The following CDK14 variants were observed in gnomAD, a reference collection of about 807,000 sequenced individuals.
CDK14 encodes cyclin-dependent kinase 14.
Under a neutral mutation model 60.7 loss-of-function variants are expected in CDK14, and 34 were observed. The observed-to-expected ratio is 0.56, with a 90% CI of 0.43 to 0.75. The LOEUF is 0.75. CDK14 is among the 30% of genes least tolerant of loss of function. The pLI is 0.00. For missense variants in CDK14, 482 were observed against 564.1 expected, an observed-to-expected ratio of 0.85 and a Z score of 1.47; for synonymous variants, 197 against 203.7, an observed-to-expected ratio of 0.97 and a Z score of 0.28.
At chr7:90,915,089 G>C (rs1228588491) in intron 7 of CDK14, among the ~76,000 whole-genome samples, 3 of 152,122 alleles carry the variant, frequency 2.0e-5, no homozygotes. Flanking sequence ...CAGTTCCTGA[G>C]GAGAGACCTA....
intron 14 of CDK14, among the ~76,000 whole-genome samples, chr7:91,143,992 C>G (rs1057477753): frequency 5.9e-5 from 9 of 152,140 alleles, no homozygotes; most frequent in African/African-American, 2.2e-4. Flanking sequence ...ATTCTATCTT[C>G]TGACAAGCCT....
intron 12 of CDK14, among the ~76,000 whole-genome samples, chr7:91,102,548 A>G (rs1246343239): frequency 2.0e-5 from 3 of 152,098 alleles, no homozygotes; most frequent in Non-Finnish European, 4.4e-5. Flanking sequence ...AACAAAATGT[A>G]GCTTGCCTTA....
chr7:90,805,813 A>G (rs1459219977), intron 5 of CDK14, among the ~76,000 whole-genome samples: 1 of 152,146 alleles, frequency 6.6e-6, no homozygotes, highest in East Asian at 1.9e-4. Flanking sequence ...ACATTATATG[A>G]AAATGTAATG....
intron 8 of CDK14, among the ~76,000 whole-genome samples, chr7:90,944,838 G>T (rs561577373): frequency 4.6e-5 from 7 of 152,310 alleles, no homozygotes; most frequent in Admixed American, 6.5e-5. Flanking sequence ...GTGTTTATCT[G>T]TTAAGTGCAG....
intron 2 of CDK14, among the ~76,000 whole-genome samples, chr7:90,668,656 TTTGAG>T (rs1458954010): frequency 5.3e-5 from 8 of 151,170 alleles, no homozygotes; most frequent in Non-Finnish European, 1.2e-4. Flanking sequence ...TAGGTCTTTA[TTTGAG>T]TTAATTTTTT....
intron 2 of CDK14, among the ~76,000 whole-genome samples, chr7:90,611,121 T>G (rs1799530259): frequency 6.6e-6 from 1 of 152,166 alleles, no homozygotes; most frequent in Admixed American, 6.5e-5. Context: ...TCCAGAAGCT[T>G]ACATAATTGA....
intron 5 of CDK14, among the ~76,000 whole-genome samples, chr7:90,794,296 T>C (rs1805959261): frequency 2.6e-5 from 4 of 152,130 alleles, no homozygotes; most frequent in Admixed American, 2.6e-4. Flanking sequence ...CGGGCACGCA[T>C]TGTCATTGAT....
intron 5 of CDK14, among the ~76,000 whole-genome samples, chr7:90,838,430 A>G (rs761087078): frequency 6.6e-6 from 1 of 152,094 alleles, no homozygotes; most frequent in Non-Finnish European, 1.5e-5. Context: ...AGTAACAGTG[A>G]TTTTCAGGGA....
intron 6 of CDK14, among the ~76,000 whole-genome samples, chr7:90,880,206 G>A (rs1397536378): frequency 1.3e-5 from 2 of 152,238 alleles, no homozygotes; most frequent in African/African-American, 4.8e-5. Context: ...CTGGGCAAGG[G>A]AAGGGTGGCT....
intron 12 of CDK14, among the ~76,000 whole-genome samples, chr7:91,094,694 T>A (rs907783269): frequency 6.6e-6 from 1 of 152,200 alleles, no homozygotes; most frequent in Non-Finnish European, 1.5e-5. Context: ...GAGTGAGGCA[T>A]GTAAGGTGCT....
intron 12 of CDK14, among the ~76,000 whole-genome samples, chr7:91,091,742 GAAGGAAGGAAGGAAGGAAGGAAGT>G (rs60307024): frequency 0.017 from 1,555 of 93,942 alleles, 31 homozygotes; most frequent in African/African-American, 0.051. Flanking sequence ...AGGAAGGAAG[GAAGGAAGGAAGGAAGGAAGGAAGT>G]AAGTTATTTT....
chr7:90,657,850 T>A (rs1029484231), intron 2 of CDK14, among the ~76,000 whole-genome samples: 1 of 152,190 alleles, frequency 6.6e-6, no homozygotes, highest in Non-Finnish European at 1.5e-5. Context: ...AACAACCCTA[T>A]AAGCTCCTAT....
chr7:90,643,538 G>A (rs939915255), intron 2 of CDK14, among the ~76,000 whole-genome samples: 1 of 152,142 alleles, frequency 6.6e-6, no homozygotes, highest in Non-Finnish European at 1.5e-5. Flanking sequence ...TAGTAGCAAA[G>A]CCTTGTTTCT....
At chr7:91,086,775 C>T (rs1798654694) in intron 12 of CDK14, among the ~76,000 whole-genome samples, 1 of 152,014 alleles carries the variant, frequency 6.6e-6, no homozygotes, top group African/African-American at 2.4e-5. Flanking sequence ...TTTTACCTCT[C>T]CTTATGTAAA....
intron 4 of CDK14, among the ~76,000 whole-genome samples, chr7:90,776,190 C>T (rs1463323385): frequency 6.6e-6 from 1 of 152,080 alleles, no homozygotes; most frequent in East Asian, 1.9e-4. Context: ...TTCTTCCATT[C>T]CTGGTCCTTG....
chr7:90,658,270 A>G (rs1399174451), intron 2 of CDK14, among the ~76,000 whole-genome samples: 1 of 152,214 alleles, frequency 6.6e-6, no homozygotes, highest in African/African-American at 2.4e-5. Flanking sequence ...TGTATTTCTC[A>G]TAGTCCTGGA....
At chr7:90,899,509 TTGTTGGAAACCA>T (rs1432579561) in intron 7 of CDK14, among the ~76,000 whole-genome samples, 156 bp downstream of exon 7, 13 of 152,122 alleles carry the variant, frequency 8.5e-5, no homozygotes, top group African/African-American at 2.9e-4. Flanking sequence ...TTCAGTTGAG[TTGTTGGAAACCA>T]TGTTTTAACA....
intron 7 of CDK14, among the ~76,000 whole-genome samples, chr7:90,901,556 T>A (rs1413863708): frequency 1.3e-5 from 2 of 152,116 alleles, no homozygotes; most frequent in African/African-American, 4.8e-5. Flanking sequence ...TTGAGGATCT[T>A]CTGAAATGTC....
chr7:90,645,698 A>G (rs1268845378), intron 2 of CDK14, among the ~76,000 whole-genome samples: 1 of 152,190 alleles, frequency 6.6e-6, no homozygotes, highest in African/African-American at 2.4e-5. Context: ...TTAGACAGTT[A>G]TAATTTATTT....
Sources: gnomAD v4.1 joint callset for allele counts (sites outside exome capture counted in the v4.1 genomes callset) on GRCh38, gnomAD v4.1.1 for gene constraint, MANE v1.5 for transcripts, NCBI Gene and HGNC (gene_info 2026-07-23, HGNC 2026-07-21) for gene names.